The following COG4 variants were observed in gnomAD, a reference collection of about 807,000 sequenced individuals.
The protein encoded by COG4 is conserved oligomeric Golgi complex subunit 4.
In COG4, 65 loss-of-function variants were observed where a neutral mutation model predicts 95.1. The observed-to-expected ratio is 0.68, with a 90% confidence interval of 0.56 to 0.84. The LOEUF is 0.84. Ranked by LOEUF, COG4 falls within the 40% of genes least tolerant of loss-of-function variation. The pLI is 0.00. For missense variants in COG4, 1,045 were observed against 989.1 expected (o/e 1.06, Z -0.76); for synonymous variants, 421 against 374.8 (o/e 1.12, Z -1.42).
At chr16:70,514,253 G>A in intron 4 of COG4, 82 bp downstream of exon 4, 3 of 1,262,388 alleles carry the variant, frequency 2.4e-6, no homozygotes, top group Admixed American at 3.7e-5. Flanking sequence ...AAAAACTGAT[G>A]TGTTTTTATT....
At chr16:70,507,427 T>G (rs2049602174) in intron 8 of COG4, among the ~76,000 whole-genome samples, 1 of 152,170 alleles carries the variant, frequency 6.6e-6, no homozygotes, top group Non-Finnish European at 1.5e-5. Flanking sequence ...GTCTATGGTA[T>G]TCAGTATAGT....
chr16:70,517,191 G>A (rs1474423224), intron 3 of COG4, among the ~76,000 whole-genome samples: 2 of 152,002 alleles, frequency 1.3e-5, no homozygotes, highest in South Asian at 2.1e-4. Context: ...TAGTCACCAC[G>A]CAAAGCCCCA....
chr16:70,517,928 A>C (rs2049858605), intron 2 of COG4, among the ~76,000 whole-genome samples, 188 bp from the exon 3 acceptor site: 1 of 149,582 alleles, frequency 6.7e-6, no homozygotes, highest in African/African-American at 2.6e-5. Flanking sequence ...ACCTGATAAA[A>C]AATTAACTCT....
Position 70,497,937 on chromosome 16 carries a change from C to A in COG4, c.1314G>T (p.Lys438Asn). The A allele has an allele frequency of 6.4e-7, 1 of 1,551,824 alleles. No homozygotes were observed. The highest frequency in any genetic ancestry group is 1.1e-5 in the South Asian group (1 of 89,692). The stretch of plus-strand genomic sequence containing the variant: ...CCAAGAGATGCGTCCTATGTCCTAC[C>A]TTATTGACAGTCTCCCTCATGAAGT... ...EEYFMRETVNKAVALDTYEKG... is the reference protein window; with the variant it reads ...EEYFMRETVNNAVALDTYEKG... Residue 438 changes from lysine to asparagine, a missense_variant and splice_region_variant, in exon 10 of 19, where the codon AAG becomes AAT. Lys to Asn is a moderately conservative substitution (Grantham distance 94, BLOSUM62 0). Coordinates refer to ENST00000323786, the MANE Select transcript of COG4 (RefSeq NM_015386.3).
Position 70,517,606 on chromosome 16 carries a change from A to AC in COG4, c.369+19_369+20insG, listed in dbSNP as rs1364390302. The AC allele has an allele frequency of 7.4e-7, 1 of 1,350,154 alleles. No individual in the cohort carries two copies. The highest frequency in any genetic ancestry group is 2.3e-5 in the East Asian group (1 of 43,020). The allele number at this position is 1,350,154 out of a possible 1,614,324, so 83.6% of individuals were successfully genotyped here. A position where few individuals can be genotyped will look rare whatever the true frequency, so the allele number is the denominator to read the frequency against. On this transcript the variant is annotated intron_variant, in intron 3 of 18. Transcript: ENST00000323786. ...CTGTCTCAAAAAAAAAAAAAAAAAA[A>AC]AAAAAGCTTGATGTATTACCTTGGC...
chr16:70,498,179 C>A (rs540251916), intron 9 of COG4, 124 bp from the exon 10 acceptor site: 2 of 699,546 alleles, frequency 2.9e-6, no homozygotes, highest in Non-Finnish European at 5.2e-6. Flanking sequence ...TACATCGTTA[C>A]AATCATGATA....
At position 70,483,926 on chromosome 16, in the gene COG4, T is replaced by C; in HGVS notation, c.1754A>G (p.Gln585Arg). ...KLFSQGIGGEQAQAKFDSCLS... is the reference protein window; with the variant it reads ...KLFSQGIGGERAQAKFDSCLS... ...GCAGCTGTCAAACTTGGCCTGGGCCTGCTCCCCTCCAATGCCCTGGCTGAA... is the reference window on the plus strand; with the variant it reads ...GCAGCTGTCAAACTTGGCCTGGGCCCGCTCCCCTCCAATGCCCTGGCTGAA... The change falls in exon 14 of 19, where the codon CAG (glutamine) becomes CGG (arginine). Residue 585 changes from glutamine to arginine, a missense_variant. Gln to Arg is a conservative substitution (Grantham distance 43, BLOSUM62 1). Coordinates refer to ENST00000323786, the MANE Select transcript of COG4 (RefSeq NM_015386.3). 1.2e-6 allele frequency: 2 copies of C among 1,613,276 alleles called. No homozygotes were observed. Among genetic ancestry groups the C allele is most frequent in the Non-Finnish European group, 1.7e-6 (2 of 1,180,012 alleles).
intron 2 of COG4, 92 bp downstream of exon 2, chr16:70,519,556 TG>T: frequency 1.2e-6 from 1 of 829,810 alleles, no homozygotes; most frequent in South Asian, 1.4e-5. Flanking sequence ...CAAGCTGAAC[TG>T]GTGTTTATAA....
At position 70,508,471 on chromosome 16, in the gene COG4, C is replaced by A; in HGVS notation, c.1003-7G>T. On this transcript the variant is annotated splice_polypyrimidine_tract_variant and splice_region_variant and intron_variant, in intron 7 of 18. Transcript: ENST00000323786. ...TGTTCTGAACATGCCGGAACTGCAACATACCACAGGAATGAGAATATTCTT... is the reference window on the plus strand; with the variant it reads ...TGTTCTGAACATGCCGGAACTGCAAAATACCACAGGAATGAGAATATTCTT... 1 of 1,613,634 alleles carries A rather than the reference C, an allele frequency of 6.2e-7. No individual in the cohort carries two copies. Among genetic ancestry groups the A allele is most frequent in the South Asian group, 1.1e-5 (1 of 91,068 alleles).
chr16:70,522,645 A>G (rs888902855), intron 1 of COG4, among the ~76,000 whole-genome samples: 1 of 152,206 alleles, frequency 6.6e-6, no homozygotes, highest in Non-Finnish European at 1.5e-5. Context: ...ACAAGCTTAG[A>G]GCTTAGATCT....
chr16:70,508,210 C>T (rs775090945), intron 8 of COG4, among the ~76,000 whole-genome samples, 196 bp downstream of exon 8: 44 of 152,120 alleles, frequency 2.9e-4, no homozygotes, highest in Non-Finnish European at 4.6e-4. Context: ...TGAGCCACCG[C>T]GCCCGGCTGA....
chr16:70,508,162 G>A (rs932596869), intron 8 of COG4, among the ~76,000 whole-genome samples: 37 of 152,118 alleles, frequency 2.4e-4, no homozygotes, highest in African/African-American at 7.5e-4. Flanking sequence ...CTTGTGATCC[G>A]CCTGCCTTGG....
chr16:70,519,649 C>T lies in COG4; in HGVS notation c.254G>A (p.Gly85Asp). 4 of 1,611,120 alleles carry T rather than the reference C, an allele frequency of 2.5e-6. No individual in the cohort carries two copies. Among genetic ancestry groups the T allele is most frequent in the Non-Finnish European group, 3.4e-6 (4 of 1,177,492 alleles). The change falls in exon 2 of 19, where the codon GGT becomes GAT. Residue 85 changes from glycine (G) to aspartate (D), a missense_variant and splice_region_variant. By Grantham distance (94) the Gly-to-Asp change is moderately conservative. Transcript: ENST00000323786. ...ESKMVTLHRM[G>D]PNLQLIEGDA... ...CTCTTGCTGAGATGCACAGACTCAC[C>T]CCATTCGGTGGAGAGTGACCATCTT... is the stretch of plus-strand genomic sequence containing the variant.
chr16:70,509,110 A>G, intron 7 of COG4, 121 bp downstream of exon 7: 1 of 1,250,916 alleles, frequency 8.0e-7, no homozygotes, highest in Non-Finnish European at 1.2e-6. Flanking sequence ...GTGTGCGCTT[A>G]GCATTTATTT....
intron 1 of COG4, among the ~76,000 whole-genome samples, chr16:70,522,084 G>A (rs1404203161): frequency 6.6e-5 from 9 of 136,358 alleles, no homozygotes; most frequent in Admixed American, 5.2e-4. Context: ...TGCAACCTCC[G>A]CCTCCCAGGT....
chr16:70,513,810 A>G (rs373712568), intron 4 of COG4, among the ~76,000 whole-genome samples: 4 of 152,222 alleles, frequency 2.6e-5, no homozygotes, highest in African/African-American at 4.8e-5. Context: ...CTGAAGCTGC[A>G]GGTAACTGAA....
chr16:70,498,457 T>C (rs911366099), intron 9 of COG4, among the ~76,000 whole-genome samples: 3 of 151,944 alleles, frequency 2.0e-5, no homozygotes, highest in South Asian at 2.1e-4. Flanking sequence ...GCCTCCCGAG[T>C]AGCTGGGATT....
At chr16:70,503,492 C>T (rs2151753690) in intron 8 of COG4, among the ~76,000 whole-genome samples, 1 of 152,346 alleles carries the variant, frequency 6.6e-6, no homozygotes, top group Non-Finnish European at 1.5e-5. Flanking sequence ...CTTTGAACTT[C>T]AGCTACACTG....
rs572192233 is a variant in COG4 at position 70,519,283 on chromosome 16, G to T, written c.254+366C>A. Among the ~76,000 whole-genome samples, 2 of 88,834 alleles carry T rather than the reference G, an allele frequency of 2.3e-5. 1 individual carries two copies. The highest frequency in any genetic ancestry group is 9.0e-4 in the South Asian group (2 of 2,214). 58.3% of individuals were successfully genotyped at this position (88,834 alleles called of 152,430 possible). Reference sequence around the variant, plus strand: ...GCTGGGACTACAGGCGCCCGCCACCGCGCCCGGCTAATTTTTTGTATTTTT... The same window carrying T: ...GCTGGGACTACAGGCGCCCGCCACCTCGCCCGGCTAATTTTTTGTATTTTT... On this transcript the variant is annotated intron_variant, in intron 2 of 18. Coordinates refer to ENST00000323786, the MANE Select transcript of COG4 (RefSeq NM_015386.3).
Sources: allele counts gnomAD v4.1 joint callset (sites outside exome capture counted in the v4.1 genomes callset), GRCh38; gene constraint gnomAD v4.1.1; transcripts MANE v1.5; gene names NCBI Gene and HGNC (gene_info 2026-07-23, HGNC 2026-07-21).